ZNF385D: variants seen among roughly 807,000 people sequenced by gnomAD.
ZNF385D encodes the protein zinc finger protein 385D, also known as zinc finger protein 659.
Under a neutral mutation model 35.8 loss-of-function variants are expected in ZNF385D, and 15 were observed. The observed-to-expected ratio is 0.42, with a 90% CI of 0.28 to 0.64. ZNF385D has a LOEUF of 0.64. Ranked by LOEUF, ZNF385D falls within the 30% of genes least tolerant of loss-of-function variation. The pLI is 0.23. For missense variants in ZNF385D, 474 were observed against 494.6 expected (o/e 0.96, Z 0.39); for synonymous variants, 212 against 186.8 (o/e 1.13, Z -1.10).
At chr3:22,116,710 A>C (rs1055257576) in intron 3 of ZNF385D, among the ~76,000 whole-genome samples, 1 of 152,120 alleles carries the variant, frequency 6.6e-6, no homozygotes, top group Non-Finnish European at 1.5e-5. Context: ...TTGTCAGTCT[A>C]ACCTTAAATG....
intron 3 of ZNF385D, among the ~76,000 whole-genome samples, chr3:21,531,735 G>A (rs1168816914): frequency 6.6e-6 from 1 of 152,122 alleles, no homozygotes; most frequent in African/African-American, 2.4e-5. Flanking sequence ...CGTTGCCAAG[G>A]GTTAGAGTGG....
chr3:21,911,681 T>C (rs970055087), intron 3 of ZNF385D, among the ~76,000 whole-genome samples: 1 of 151,926 alleles, frequency 6.6e-6, no homozygotes, highest in Non-Finnish European at 1.5e-5. Flanking sequence ...TTTATTAACA[T>C]TAAAAGCCAT....
At chr3:22,126,176 A>T (rs1576363378) in intron 3 of ZNF385D, among the ~76,000 whole-genome samples, 1 of 151,764 alleles carries the variant, frequency 6.6e-6, no homozygotes, top group African/African-American at 2.4e-5. Flanking sequence ...TGATTATATG[A>T]TTTTTGTCCC....
upstream of ZNF385D, chr3:21,751,388 A>ACTC (rs2070077130): frequency 2.4e-5 from 25 of 1,020,720 alleles, no homozygotes; most frequent in Non-Finnish European, 2.9e-5. Context: ...TAAAGCGAGA[A>ACTC]GAGTGTCGGG....
intron 3 of ZNF385D, among the ~76,000 whole-genome samples, chr3:21,802,792 T>A (rs928860399): frequency 2.0e-5 from 3 of 152,192 alleles, no homozygotes; most frequent in Non-Finnish European, 4.4e-5. Flanking sequence ...TCCACCTGTC[T>A]GCCTGTCTAA....
chr3:21,524,254 T>C (rs955310013), intron 3 of ZNF385D, among the ~76,000 whole-genome samples: 2 of 152,152 alleles, frequency 1.3e-5, no homozygotes, highest in African/African-American at 4.8e-5. Context: ...TGTAGCTAAA[T>C]TGGGAAATTA....
chr3:21,999,642 T>C lies in ZNF385D; in HGVS notation c.325+169175A>G, dbSNP rs1695710340. Among the ~76,000 whole-genome samples, 3 of 152,156 alleles carry C rather than the reference T, an allele frequency of 2.0e-5. No individual in the cohort carries two copies. The South Asian group carries it at 6.2e-4, about 32-fold the overall frequency. The stretch of plus-strand genomic sequence containing the variant: ...CTACCACCTCTGACACTCAGTGTTC[T>C]TACACATTAAATGAGATTTATACTA... On this transcript the variant is annotated intron_variant, in intron 3 of 5. Coordinates refer to the ZNF385D transcript ENST00000494108.
chr3:21,445,659 T>A (rs1702109416), intron 4 of ZNF385D, among the ~76,000 whole-genome samples: 1 of 152,216 alleles, frequency 6.6e-6, no homozygotes, highest in Admixed American at 6.5e-5. Context: ...ATTTAGTATA[T>A]AAATATACTC....
intron 3 of ZNF385D, among the ~76,000 whole-genome samples, chr3:21,848,484 T>G (rs1479391853): frequency 6.6e-6 from 1 of 151,780 alleles, no homozygotes; most frequent in South Asian, 2.1e-4. Context: ...AAAGATAAAA[T>G]TGATAATCTA....
At chr3:21,988,725 T>C (rs1208744973) in intron 3 of ZNF385D, among the ~76,000 whole-genome samples, 1 of 151,854 alleles carries the variant, frequency 6.6e-6, no homozygotes, top group Non-Finnish European at 1.5e-5. Context: ...CTGCTTTGTT[T>C]ACCTAAGCAA....
At chr3:21,695,076 T>C (rs112663773) in intron 1 of ZNF385D, among the ~76,000 whole-genome samples, 33 of 152,258 alleles carry the variant, frequency 2.2e-4, no homozygotes, top group African/African-American at 7.2e-4. Flanking sequence ...AGATATAAGG[T>C]ATGTGAAGTG....
intron 3 of ZNF385D, among the ~76,000 whole-genome samples, chr3:21,542,416 G>A (rs572475897): frequency 6.6e-6 from 1 of 150,552 alleles, no homozygotes; most frequent in African/African-American, 2.4e-5. Context: ...GGTGTGATCA[G>A]TACCCATTGC....
intron 3 of ZNF385D, among the ~76,000 whole-genome samples, chr3:21,869,845 G>A (rs1364582863): frequency 1.3e-5 from 2 of 152,058 alleles, no homozygotes. Flanking sequence ...GGTATTAGAA[G>A]TAGTTCAATA....
intron 3 of ZNF385D, among the ~76,000 whole-genome samples, chr3:21,523,049 C>T (rs1220767072): frequency 1.3e-5 from 2 of 152,136 alleles, no homozygotes; most frequent in Non-Finnish European, 2.9e-5. Flanking sequence ...GCTATTCTGT[C>T]ACACAGTGGT....
intron 2 of ZNF385D, among the ~76,000 whole-genome samples, chr3:22,171,970 A>C (rs1236730348): frequency 6.6e-6 from 1 of 152,066 alleles, no homozygotes; most frequent in Non-Finnish European, 1.5e-5. Flanking sequence ...CAATATTCGT[A>C]AGCAATTTTC....
In ZNF385D at chr3:22,287,708, C is replaced by T. The variant is rs369019569; in HGVS notation, c.106+84742G>A. ...TTACATTCCTTTATAATTTGCATCC[C>T]TCAACAAGATATTATAGCTATAATT... On this transcript the variant is annotated intron_variant, in intron 2 of 5. Transcript: ENST00000494108. Among the ~76,000 whole-genome samples, 205 of 152,036 alleles carry T rather than the reference C, an allele frequency of 1.3e-3. 5 individuals are homozygous for T. The South Asian group carries it at 0.04, about 30-fold the overall frequency.
At chr3:22,192,764 C>T (rs993475845) in intron 2 of ZNF385D, among the ~76,000 whole-genome samples, 3 of 152,146 alleles carry the variant, frequency 2.0e-5, no homozygotes, top group Non-Finnish European at 2.9e-5. Flanking sequence ...TCAGCCCAGT[C>T]AAGACCCTAA....
At chr3:22,351,180 A>AG (rs1695899842) in intron 2 of ZNF385D, among the ~76,000 whole-genome samples, 1 of 152,112 alleles carries the variant, frequency 6.6e-6, no homozygotes, top group Admixed American at 6.5e-5. Flanking sequence ...ATTTTATAGG[A>AG]ATGCAAAGTA....
chr3:21,926,666 C>A (rs1427098098), intron 3 of ZNF385D, among the ~76,000 whole-genome samples: 2 of 152,128 alleles, frequency 1.3e-5, no homozygotes, highest in African/African-American at 2.4e-5. Context: ...GGATTAAAGA[C>A]TTAAATGTAA....
Sources: gnomAD v4.1 joint callset for allele counts (sites outside exome capture counted in the v4.1 genomes callset) on GRCh38, gnomAD v4.1.1 for gene constraint, MANE v1.5 for transcripts, NCBI Gene and HGNC (gene_info 2026-07-23, HGNC 2026-07-21) for gene names.